AGBL4: variants seen among roughly 807,000 people sequenced by gnomAD.
AGBL4 encodes cytosolic carboxypeptidase 6.
A neutral mutation model predicts 66.4 loss-of-function variants in AGBL4; 58 were observed. The observed-to-expected ratio is 0.87, with a 90% CI of 0.71 to 1.09. The LOEUF (loss-of-function observed/expected upper bound fraction) is 1.09. Ranked by LOEUF, AGBL4 falls within the 50% of genes least tolerant of loss-of-function variation. The pLI is 0.00. For missense variants in AGBL4, 579 were observed against 631.0 expected (o/e 0.92, Z 0.88); for synonymous variants, 234 against 222.9 (o/e 1.05, Z -0.44).
At chr1:49,206,250 A>C (rs1648119853) in intron 4 of AGBL4, among the ~76,000 whole-genome samples, 1 of 152,112 alleles carries the variant, frequency 6.6e-6, no homozygotes, top group African/African-American at 2.4e-5. Context: ...TTTTCAGCCT[A>C]GCTCCCTTAA....
intron 2 of AGBL4, among the ~76,000 whole-genome samples, chr1:49,769,370 C>G (rs1247770305): frequency 6.6e-6 from 1 of 152,112 alleles, no homozygotes; most frequent in Admixed American, 6.5e-5. Flanking sequence ...GAATCAAAAT[C>G]TCTAAAATGG....
chr1:49,561,151 T>A lies in AGBL4; in HGVS notation c.282+136162A>T, dbSNP rs1644029229. Among the ~76,000 whole-genome samples the A allele has an allele frequency of 3.3e-5, 5 of 151,860 alleles. No individual in the cohort carries two copies. The South Asian group carries it at 8.3e-4, about 25-fold the overall frequency. ...AATTAAAAATAATAACTACAAAAAC[T>A]TTTCAAGACTTAGTAAATATGATAT... On this transcript the variant is annotated intron_variant, in intron 3 of 13. Coordinates refer to ENST00000371839, the MANE Select transcript of AGBL4 (RefSeq NM_032785.4).
At chr1:49,762,998 T>G (rs1652458859) in intron 2 of AGBL4, among the ~76,000 whole-genome samples, 1 of 152,232 alleles carries the variant, frequency 6.6e-6, no homozygotes, top group Admixed American at 6.5e-5. Flanking sequence ...CTTCTAGTAC[T>G]TTCATATTAT....
intron 6 of AGBL4, among the ~76,000 whole-genome samples, chr1:48,762,295 G>A (rs1247906682): frequency 1.3e-5 from 2 of 152,186 alleles, no homozygotes; most frequent in Admixed American, 1.3e-4. Flanking sequence ...CATTCTTTAA[G>A]CTCAACCTAA....
intron 2 of AGBL4, among the ~76,000 whole-genome samples, chr1:49,827,022 A>G (rs1174158900): frequency 6.6e-6 from 1 of 152,206 alleles, no homozygotes; most frequent in Non-Finnish European, 1.5e-5. Context: ...AATTAACGTT[A>G]AAGACAATAA....
intron 5 of AGBL4, among the ~76,000 whole-genome samples, chr1:49,021,033 T>C (rs1320684540): frequency 6.6e-6 from 1 of 152,222 alleles, no homozygotes; most frequent in Non-Finnish European, 1.5e-5. Context: ...TGCACTGCCC[T>C]AGAGGCATAA....
intron 4 of AGBL4, among the ~76,000 whole-genome samples, chr1:49,211,164 T>A (rs981402299): frequency 1.3e-5 from 2 of 152,146 alleles, no homozygotes; most frequent in African/African-American, 4.8e-5. Context: ...CTTTTATTAG[T>A]AGCTGTTCCA....
chr1:49,393,366 A>G (rs1570605937), intron 3 of AGBL4, among the ~76,000 whole-genome samples: 1 of 152,216 alleles, frequency 6.6e-6, no homozygotes, highest in Non-Finnish European at 1.5e-5. Context: ...GAGAGGCTGG[A>G]AGATTGTACA....
At chr1:49,360,482 G>T (rs1644114432) in intron 3 of AGBL4, among the ~76,000 whole-genome samples, 1 of 152,080 alleles carries the variant, frequency 6.6e-6, no homozygotes, top group African/African-American at 2.4e-5. Flanking sequence ...AAAAAAGCTG[G>T]TGAATTTAAT....
intron 3 of AGBL4, among the ~76,000 whole-genome samples, chr1:49,472,510 C>T (rs1307603581): frequency 6.6e-6 from 1 of 151,914 alleles, no homozygotes; most frequent in Non-Finnish European, 1.5e-5. Context: ...GGGACAGCTC[C>T]TGTAGAAAAC....
intron 6 of AGBL4, among the ~76,000 whole-genome samples, chr1:48,719,174 C>A (rs943102714): frequency 2.6e-5 from 4 of 152,178 alleles, no homozygotes; most frequent in Non-Finnish European, 4.4e-5. Context: ...CCCCTTCCCC[C>A]AAACACGTTT....
At chr1:48,777,937 A>T (rs1645174680) in intron 6 of AGBL4, among the ~76,000 whole-genome samples, 1 of 152,098 alleles carries the variant, frequency 6.6e-6, no homozygotes, top group Non-Finnish European at 1.5e-5. Flanking sequence ...CCCCTCCAAG[A>T]CAAGCCGTGA....
intron 1 of AGBL4, among the ~76,000 whole-genome samples, chr1:50,012,819 T>C (rs191721340): frequency 1.1e-4 from 16 of 152,276 alleles, no homozygotes; most frequent in African/African-American, 3.6e-4. Context: ...TGAAGAAAAT[T>C]ATACTTTTTC....
intron 4 of AGBL4, among the ~76,000 whole-genome samples, chr1:49,113,952 G>GAGGAT (rs1645465912): frequency 6.6e-6 from 1 of 150,888 alleles, no homozygotes; most frequent in African/African-American, 2.4e-5. Context: ...AGCACAAACA[G>GAGGAT]AGGATATTTT....
chr1:48,994,921 T>A (rs1382079837), intron 5 of AGBL4, among the ~76,000 whole-genome samples: 3 of 152,018 alleles, frequency 2.0e-5, no homozygotes, highest in Non-Finnish European at 4.4e-5. Flanking sequence ...CAGGGAAAAA[T>A]CCCATGAAAA....
At chr1:48,871,061 TG>T (rs1648604416) in intron 5 of AGBL4, among the ~76,000 whole-genome samples, 2 of 152,196 alleles carry the variant, frequency 1.3e-5, no homozygotes, top group Admixed American at 6.5e-5. Context: ...ATGAAAACTA[TG>T]TGGCATTTGT....
intron 6 of AGBL4, among the ~76,000 whole-genome samples, chr1:48,806,793 T>C (rs924364518): frequency 1.3e-5 from 2 of 152,180 alleles, no homozygotes; most frequent in Admixed American, 6.5e-5. Flanking sequence ...CTGAGGAAAC[T>C]TGCCAAGGCT....
intron 6 of AGBL4, among the ~76,000 whole-genome samples, chr1:48,687,389 G>A (rs980495330): frequency 5.3e-5 from 8 of 152,122 alleles, no homozygotes; most frequent in Admixed American, 5.2e-4. Flanking sequence ...GCCCCGGTGG[G>A]CCGCGGGTGG....
chr1:49,782,765 G>A (rs1461627849), intron 2 of AGBL4, among the ~76,000 whole-genome samples: 2 of 152,142 alleles, frequency 1.3e-5, no homozygotes, highest in East Asian at 1.9e-4. Context: ...GACAAGTTCA[G>A]TTCTTTTTTG....
Sources: gnomAD v4.1 joint callset for allele counts (sites outside exome capture counted in the v4.1 genomes callset) on GRCh38, gnomAD v4.1.1 for gene constraint, MANE v1.5 for transcripts, NCBI Gene and HGNC (gene_info 2026-07-23, HGNC 2026-07-21) for gene names.